Variants in TEK observed in about 807,000 individuals in gnomAD.
TEK encodes TEK receptor tyrosine kinase.
TEK carries 43 observed loss-of-function variants against 131.8 expected under a neutral mutation model. The observed-to-expected ratio is 0.33, with a 90% CI of 0.26 to 0.42. TEK has a LOEUF of 0.42. Among genes scored for constraint, TEK ranks in the 10% least tolerant of loss-of-function variants. The pLI is 1.00. For missense variants in TEK, 1,162 were observed against 1,384.4 expected (o/e 0.84, Z 2.55); for synonymous variants, 580 against 491.6 (o/e 1.18, Z -2.38).
chr9:27,136,938 A>G (rs1822475443), intron 1 of TEK, among the ~76,000 whole-genome samples: 2 of 152,144 alleles, frequency 1.3e-5, no homozygotes, highest in African/African-American at 4.8e-5. Context: ...TATTTTTGAA[A>G]TGGAGTCTCG....
At chr9:27,150,063 C>A (rs537111062) in intron 1 of TEK, among the ~76,000 whole-genome samples, 2 of 152,258 alleles carry the variant, frequency 1.3e-5, no homozygotes, top group East Asian at 3.9e-4. Flanking sequence ...TTTTTAGCCA[C>A]CTCTCCTCAA....
At chr9:27,220,499 C>G (rs540205483) in intron 21 of TEK, among the ~76,000 whole-genome samples, 4 of 152,152 alleles carry the variant, frequency 2.6e-5, no homozygotes, top group Admixed American at 2.0e-4. Flanking sequence ...AAGAAGGATA[C>G]ATTTTCGGGC....
At chr9:27,157,714 A>C in intron 1 of TEK, 117 bp from the exon 2 acceptor site, 2 of 1,231,586 alleles carry the variant, frequency 1.6e-6, no homozygotes, top group Admixed American at 3.4e-5. Context: ...TGGTCAGAAT[A>C]GCATTTTAGA....
At chr9:27,136,091 T>TTTTTTTG in intron 1 of TEK, among the ~76,000 whole-genome samples, 1 of 150,722 alleles carries the variant, frequency 6.6e-6, no homozygotes, top group Non-Finnish European at 1.5e-5. Flanking sequence ...AGTTATTTTT[T>TTTTTTTG]TTTTTTTTGA....
chr9:27,115,498 C>T (rs1821515649), intron 1 of TEK, among the ~76,000 whole-genome samples: 1 of 146,270 alleles, frequency 6.8e-6, no homozygotes, highest in South Asian at 2.1e-4. Context: ...GACATTGTCT[C>T]AAAAAAAACA....
At chr9:27,197,031 A>G (rs1564091104) in intron 11 of TEK, among the ~76,000 whole-genome samples, 1 of 115,680 alleles carries the variant, frequency 8.6e-6, no homozygotes, top group Non-Finnish European at 1.7e-5. Flanking sequence ...GCAATTGAAC[A>G]ATGAGAACAT....
chr9:27,212,980 C>G (rs1352884126), intron 17 of TEK, 83 bp downstream of exon 17: 3 of 1,429,028 alleles, frequency 2.1e-6, no homozygotes, highest in African/African-American at 1.4e-5. Context: ...TAGGGTCTGT[C>G]AACCTCTCTT....
At chr9:27,128,241 C>T (rs1822066997) in intron 1 of TEK, among the ~76,000 whole-genome samples, 4 of 152,124 alleles carry the variant, frequency 2.6e-5, no homozygotes, top group African/African-American at 9.7e-5. Context: ...GGAATCCTTT[C>T]CCCATTTCTT....
chr9:27,184,595 T>C (rs541366941), intron 8 of TEK, among the ~76,000 whole-genome samples: 35 of 152,164 alleles, frequency 2.3e-4, no homozygotes, highest in Non-Finnish European at 4.3e-4. Flanking sequence ...TTATTGGCTT[T>C]TTCATGAGTT....
intron 10 of TEK, among the ~76,000 whole-genome samples, chr9:27,192,183 T>C (rs1824846835): frequency 6.6e-6 from 1 of 152,182 alleles, no homozygotes; most frequent in Non-Finnish European, 1.5e-5. Flanking sequence ...TCCCCCAATC[T>C]GGTATTCCAT....
chr9:27,121,560 T>A (rs1409315976), intron 1 of TEK, among the ~76,000 whole-genome samples: 1 of 151,072 alleles, frequency 6.6e-6, no homozygotes, highest in Admixed American at 6.6e-5. Flanking sequence ...ATATGCAATA[T>A]GCAAAATTAT....
intron 2 of TEK, among the ~76,000 whole-genome samples, chr9:27,168,229 C>G (rs1823812301): frequency 6.6e-6 from 1 of 152,176 alleles, no homozygotes; most frequent in South Asian, 2.1e-4. Flanking sequence ...TCCCCAACCA[C>G]TGAATAGAAA....
chr9:27,144,744 G>A (rs905863623), intron 1 of TEK, among the ~76,000 whole-genome samples: 1 of 152,100 alleles, frequency 6.6e-6, no homozygotes, highest in East Asian at 1.9e-4. Flanking sequence ...TAAACTAAAT[G>A]GTACAAGGCT....
chr9:27,219,920 C>A, intron 20 of TEK, 129 bp from the exon 21 acceptor site: 2 of 899,662 alleles, frequency 2.2e-6, no homozygotes, highest in Non-Finnish European at 3.7e-6. Context: ...CCAAGGGAGG[C>A]ATGCAGGATG....
chr9:27,217,170 C>T (rs1229343097), intron 18 of TEK, among the ~76,000 whole-genome samples: 1 of 152,162 alleles, frequency 6.6e-6, no homozygotes, highest in Non-Finnish European at 1.5e-5. Flanking sequence ...GCACACTGTT[C>T]CCCTTGTCCA....
chr9:27,167,982 A>C (rs1378373209), intron 2 of TEK, among the ~76,000 whole-genome samples: 1 of 152,186 alleles, frequency 6.6e-6, no homozygotes, highest in African/African-American at 2.4e-5. Flanking sequence ...GAGTGTTCCA[A>C]ATCCAAAAAT....
rs146485295 is a variant in TEK, at chr9:27,109,602, A to C, written c.12A>C (p.Leu4Phe). The change falls in exon 1 of 23, where the codon TTA becomes TTC. Residue 4 changes from leucine to phenylalanine, a missense_variant. By Grantham distance (22) the Leu-to-Phe change is conservative (BLOSUM62 0). Around this residue, in one of 6 missense-constraint regions of TEK, gnomAD observed 436 missense variants for 539.1 expected, o/e 0.81. Transcript: ENST00000380036. The part of the protein sequence containing the change: MDS[L>F]ASLVLCGVSL... ...AGATTTGGGGAAGCATGGACTCTTTAGCCAGCTTAGTTCTCTGTGGAGTCA... is the reference window on the plus strand; with the variant it reads ...AGATTTGGGGAAGCATGGACTCTTTCGCCAGCTTAGTTCTCTGTGGAGTCA... The C allele has an allele frequency of 1.1e-4, 183 of 1,613,918 alleles. No homozygotes were observed. The highest frequency in any genetic ancestry group is 1.5e-4 in the Non-Finnish European group (174 of 1,179,982).
At chr9:27,127,569 A>G (rs1188971632) in intron 1 of TEK, among the ~76,000 whole-genome samples, 2 of 152,216 alleles carry the variant, frequency 1.3e-5, no homozygotes. Flanking sequence ...GTCTTCCACA[A>G]TGGTTGAACT....
At chr9:27,190,184 C>T (rs778917437) in intron 9 of TEK, among the ~76,000 whole-genome samples, 1 of 152,070 alleles carries the variant, frequency 6.6e-6, no homozygotes, top group Non-Finnish European at 1.5e-5. Context: ...CTGGAGGGTA[C>T]TAGGTGAGGG....
Sources: gnomAD v4.1 joint callset for allele counts (sites outside exome capture counted in the v4.1 genomes callset) on GRCh38, gnomAD v4.1.1 for gene constraint, gnomAD v4.1.1 regional missense constraint, MANE v1.5 for transcripts, NCBI Gene and HGNC (gene_info 2026-07-23, HGNC 2026-07-21) for gene names.